The following ADGRG6 variants were observed in gnomAD, a reference collection of about 807,000 sequenced individuals.
The protein encoded by ADGRG6 is G-protein coupled receptor 126.
In ADGRG6, 84 loss-of-function variants were observed where a neutral mutation model predicts 142.4. The ratio of observed to expected loss-of-function variants is 0.59; its 90% CI spans 0.49 to 0.71. The LOEUF (loss-of-function observed/expected upper bound fraction) is 0.71, where lower values mean the gene tolerates loss of function less well. Among genes scored for constraint, ADGRG6 ranks in the 30% least tolerant of loss-of-function variants. ADGRG6 has a pLI of 0.00. For missense variants in ADGRG6, 1,367 were observed against 1,466.6 expected, an observed-to-expected ratio of 0.93 and a Z score of 1.11; for synonymous variants, 521 against 520.5, an observed-to-expected ratio of 1.00 and a Z score of -0.01.
At position 142,338,025 on chromosome 6, in the gene ADGRG6, T is replaced by TG. The variant is rs1177534333; in HGVS notation, c.103+28381_103+28382insG. On this transcript the variant is annotated intron_variant, in intron 2 of 24. Coordinates refer to ENST00000367609, the MANE Select transcript of ADGRG6 (RefSeq NM_198569.3). ...TTATGCCTTGTATCTTTGTTTTTTTTTTTTTTTTTTTTTGAGACGGAGTCT... is the reference window on the plus strand; with the variant it reads ...TTATGCCTTGTATCTTTGTTTTTTTTGTTTTTTTTTTTTTGAGACGGAGTCT... 7.4e-5 allele frequency among the ~76,000 whole-genome samples: 3 copies of TG among 40,356 alleles called. 1 individual carries two copies. The highest frequency in any genetic ancestry group is 1.8e-3 in the East Asian group (2 of 1,134). 26.5% of individuals were successfully genotyped at this position (40,356 alleles called of 152,430 possible).
intron 2 of ADGRG6, among the ~76,000 whole-genome samples, chr6:142,362,802 G>A (rs1009972746): frequency 6.6e-6 from 1 of 152,146 alleles, no homozygotes; most frequent in Admixed American, 6.5e-5. Flanking sequence ...GAAATGGTAT[G>A]TGGCTATCCT....
At chr6:142,409,678 G>A (rs1444628903) in intron 16 of ADGRG6, among the ~76,000 whole-genome samples, 196 bp from the exon 17 acceptor site, 6 of 152,200 alleles carry the variant, frequency 3.9e-5, no homozygotes, top group South Asian at 2.1e-4. Context: ...TCCTTATGAG[G>A]TTAGAGTTGA....
intron 18 of ADGRG6, among the ~76,000 whole-genome samples, chr6:142,412,761 A>G (rs1003746684): frequency 1.3e-5 from 2 of 152,194 alleles, no homozygotes; most frequent in East Asian, 3.8e-4. Context: ...ATTCTTTCAA[A>G]GAACACTTAT....
intron 22 of ADGRG6, among the ~76,000 whole-genome samples, chr6:142,427,613 T>C (rs1347356031): frequency 6.6e-6 from 1 of 152,166 alleles, no homozygotes; most frequent in Non-Finnish European, 1.5e-5. Flanking sequence ...AGCAGCACCA[T>C]ACTTCTGGTA....
intron 22 of ADGRG6, among the ~76,000 whole-genome samples, chr6:142,434,978 A>C (rs112875172): frequency 0.011 from 1,693 of 152,218 alleles, 32 homozygotes; most frequent in East Asian, 0.043. Flanking sequence ...GCATAACCTT[A>C]GACTTATTTT....
intron 9 of ADGRG6, among the ~76,000 whole-genome samples, chr6:142,396,324 C>T (rs183588385): frequency 2.3e-3 from 343 of 152,242 alleles, no homozygotes; most frequent in Non-Finnish European, 3.9e-3. Flanking sequence ...ATGTTTGCCT[C>T]ATCCTGAAAT....
intron 6 of ADGRG6, 38 bp from the exon 7 acceptor site, chr6:142,390,220 C>G (rs781612832): frequency 1.1e-5 from 11 of 972,484 alleles, no homozygotes; most frequent in Non-Finnish European, 1.8e-5. Flanking sequence ...TAACTATAAA[C>G]ATATAATTAA....
In ADGRG6 at chr6:142,316,518, G is replaced by A. The variant is rs76242693; in HGVS notation, c.103+6874G>A. 5.9e-4 allele frequency among the ~76,000 whole-genome samples: 89 copies of A among 152,124 alleles called. 1 individual carries two copies. In the East Asian group the frequency reaches 0.016, roughly 28 times the overall value. Reference sequence around the variant, plus strand: ...AATTATTGAAGTAAAATATAGATCTGGAGGAAAAAAATACTCTGGCAATAT... The same window carrying A: ...AATTATTGAAGTAAAATATAGATCTAGAGGAAAAAAATACTCTGGCAATAT... On this transcript the variant is annotated intron_variant, in intron 2 of 24. Transcript: ENST00000367609.
chr6:142,338,203 G>T (rs907199114), intron 2 of ADGRG6, among the ~76,000 whole-genome samples: 9 of 150,572 alleles, frequency 6.0e-5, no homozygotes, highest in Admixed American at 5.3e-4. Flanking sequence ...TGTATTTTTA[G>T]TAGAGATGGG....
intron 22 of ADGRG6, among the ~76,000 whole-genome samples, chr6:142,421,660 C>A (rs529251673): frequency 1.1e-3 from 170 of 152,254 alleles, no homozygotes; most frequent in African/African-American, 3.9e-3. Context: ...GTTTCAGTAA[C>A]CTTCAACAGC....
chr6:142,390,138 G>C (rs889695528), intron 6 of ADGRG6, 120 bp from the exon 7 acceptor site: 2 of 397,840 alleles, frequency 5.0e-6, no homozygotes, highest in African/African-American at 4.2e-5. Context: ...TGTAAATTAT[G>C]TGATTATGAA....
intron 6 of ADGRG6, among the ~76,000 whole-genome samples, chr6:142,388,252 G>T (rs1455423942): frequency 6.6e-6 from 1 of 152,138 alleles, no homozygotes; most frequent in Admixed American, 6.5e-5. Context: ...AGTATAACAA[G>T]TGGACTGGGG....
intron 2 of ADGRG6, among the ~76,000 whole-genome samples, chr6:142,315,865 A>G (rs1024625354): frequency 1.4e-5 from 2 of 141,014 alleles, no homozygotes; most frequent in African/African-American, 2.9e-5. Flanking sequence ...ATAAATAAAT[A>G]AATAAAGCAA....
At chr6:142,418,828 T>C (rs192163056) in intron 21 of ADGRG6, among the ~76,000 whole-genome samples, 271 of 152,272 alleles carry the variant, frequency 1.8e-3, no homozygotes, top group African/African-American at 6.0e-3. Flanking sequence ...TTTAAATCAT[T>C]TATTCAATTT....
At chr6:142,392,870 A>T (rs747527017) in intron 7 of ADGRG6, 78 bp from the exon 8 acceptor site, 27 of 944,668 alleles carry the variant, frequency 2.9e-5, no homozygotes, top group Non-Finnish European at 4.4e-5. Flanking sequence ...GTAACAACTT[A>T]TGTTTTAGGT....
chr6:142,360,265 T>C (rs944311327), intron 2 of ADGRG6, among the ~76,000 whole-genome samples: 1 of 152,118 alleles, frequency 6.6e-6, no homozygotes. Flanking sequence ...AGTGAAGATA[T>C]TGAGTAGGTA....
At chr6:142,314,850 A>G (rs1582962353) in intron 2 of ADGRG6, among the ~76,000 whole-genome samples, 2 of 152,140 alleles carry the variant, frequency 1.3e-5, no homozygotes, top group African/African-American at 2.4e-5. Flanking sequence ...TTGTCCAAAG[A>G]TAAACCTAGC....
chr6:142,420,692 A>G (rs1048871281), intron 22 of ADGRG6, among the ~76,000 whole-genome samples: 1 of 152,176 alleles, frequency 6.6e-6, no homozygotes, highest in African/African-American at 2.4e-5. Context: ...ACATTTGTCA[A>G]TGGTCTGCTT....
intron 7 of ADGRG6, among the ~76,000 whole-genome samples, chr6:142,390,982 G>GA (rs922742669): frequency 1.3e-5 from 2 of 150,420 alleles, no homozygotes; most frequent in African/African-American, 4.9e-5. Context: ...TTTTTGTTTT[G>GA]AAAAAACAAT....
Sources: gnomAD v4.1 joint callset for allele counts (sites outside exome capture counted in the v4.1 genomes callset) on GRCh38, gnomAD v4.1.1 for gene constraint, MANE v1.5 for transcripts, NCBI Gene and HGNC (gene_info 2026-07-23, HGNC 2026-07-21) for gene names.